PTER: variants seen among roughly 807,000 people sequenced by gnomAD.
PTER encodes the protein phosphotriesterase related.
PTER carries 38 observed loss-of-function variants against 29.6 expected under a neutral mutation model. The ratio of observed to expected loss-of-function variants is 1.28; its 90% CI spans 0.99 to 1.68. The LOEUF is 1.68. Among genes scored for constraint, PTER ranks in the 40% most tolerant of loss-of-function variants. PTER has a pLI of 0.00. For synonymous variants in PTER, 172 were observed against 154.5 expected (o/e 1.11, Z -0.84); for missense variants, 482 against 427.8 (o/e 1.13, Z -1.12).
chr10:16,505,841 G>A lies in PTER; in HGVS notation c.839+681G>A, dbSNP rs190176056. 1.9e-3 allele frequency among the ~76,000 whole-genome samples: 292 copies of A among 152,256 alleles called. 2 individuals are homozygous for A. Among genetic ancestry groups the A allele is most frequent in the African/African-American group, 6.5e-3 (270 of 41,564 alleles). On this transcript the variant is annotated intron_variant, in intron 4 of 4. Transcript: ENST00000535784. ...TTGGAGATTGACAAGGAAGGCTTTC[G>A]TTTGGGAATATCTAAGTGTTGCTAC...
intron 1 of PTER, among the ~76,000 whole-genome samples, chr10:16,471,213 C>A (rs1835041086): frequency 1.3e-5 from 2 of 152,156 alleles, no homozygotes; most frequent in African/African-American, 4.8e-5. Flanking sequence ...AAGTCTCAGG[C>A]AAGACAGGCA....
chr10:16,462,920 G>T (rs1033175932), intron 1 of PTER, among the ~76,000 whole-genome samples: 27 of 151,696 alleles, frequency 1.8e-4, no homozygotes, highest in African/African-American at 6.3e-4. Flanking sequence ...GCTGCCGGGC[G>T]TGGTGAGTCA....
intron 3 of PTER, among the ~76,000 whole-genome samples, chr10:16,498,476 G>A (rs567343976): frequency 1.2e-4 from 18 of 152,226 alleles, no homozygotes; most frequent in Middle Eastern, 3.4e-3. Context: ...CCAGCTACTC[G>A]GGAGGCTGAG....
intron 3 of PTER, among the ~76,000 whole-genome samples, chr10:16,495,694 G>A (rs1836068377): frequency 6.6e-6 from 1 of 152,158 alleles, no homozygotes; most frequent in Non-Finnish European, 1.5e-5. Flanking sequence ...ACATAGAGCT[G>A]CCCTCACAGG....
At chr10:16,473,829 C>T (rs1207718420) in intron 1 of PTER, among the ~76,000 whole-genome samples, 1 of 152,106 alleles carries the variant, frequency 6.6e-6, no homozygotes, top group Non-Finnish European at 1.5e-5. Flanking sequence ...GACTTAGTTT[C>T]CTCACTTGAA....
At chr10:16,508,564 A>G (rs1430636970) in intron 4 of PTER, among the ~76,000 whole-genome samples, 2 of 152,110 alleles carry the variant, frequency 1.3e-5, no homozygotes, top group East Asian at 3.9e-4. Context: ...GGGTCAGATG[A>G]CCGATGGCTC....
intron 3 of PTER, among the ~76,000 whole-genome samples, chr10:16,501,496 C>T (rs965715371): frequency 6.6e-6 from 1 of 152,080 alleles, no homozygotes; most frequent in African/African-American, 2.4e-5. Context: ...ATCCTGCTTA[C>T]TATATATAGT....
chr10:16,468,091 C>A (rs1202776649), intron 1 of PTER, among the ~76,000 whole-genome samples: 1 of 152,132 alleles, frequency 6.6e-6, no homozygotes. Flanking sequence ...ACTGTAATCC[C>A]AGCACTTTGG....
intron 1 of PTER, among the ~76,000 whole-genome samples, chr10:16,458,845 C>G (rs1299259690): frequency 1.3e-5 from 2 of 152,170 alleles, no homozygotes; most frequent in Non-Finnish European, 2.9e-5. Flanking sequence ...CTATCACAAC[C>G]ACTAACATTG....
intron 3 of PTER, among the ~76,000 whole-genome samples, chr10:16,488,812 G>A (rs944578169): frequency 2.6e-5 from 4 of 152,064 alleles, no homozygotes; most frequent in Non-Finnish European, 5.9e-5. Context: ...CCCTGTTGCC[G>A]AGGCTGGTCT....
At position 16,486,480 on chromosome 10, in the gene PTER, A is replaced by T; in HGVS notation, c.561A>T (p.Thr187=). The change falls in exon 3 of 5, where the codon ACA becomes ACT. Residue 187 remains threonine (T), a synonymous_variant. Transcript: ENST00000535784. Reference sequence around the variant, plus strand: ...GTGAAAGAAAGGTTCTCCAGGCCACAGCTCATGCCCAGGCTCAGCTTGGTT... The same window carrying T: ...GTGAAAGAAAGGTTCTCCAGGCCACTGCTCATGCCCAGGCTCAGCTTGGTT... ...TESERKVLQA[T]AHAQAQLGCP... The T allele has an allele frequency of 6.2e-7, 1 of 1,614,094 alleles. No homozygotes were observed. Among genetic ancestry groups the T allele is most frequent in the Non-Finnish European group, 8.5e-7 (1 of 1,179,988 alleles).
At chr10:16,499,237 T>C (rs980873379) in intron 3 of PTER, among the ~76,000 whole-genome samples, 2 of 152,084 alleles carry the variant, frequency 1.3e-5, no homozygotes, top group Non-Finnish European at 2.9e-5. Context: ...TATCAGGTGT[T>C]GATTTTCTTG....
chr10:16,501,328 T>TACACACACACACACACACAC (rs35321143), intron 3 of PTER, among the ~76,000 whole-genome samples: 2 of 117,154 alleles, frequency 1.7e-5, no homozygotes, highest in Non-Finnish European at 3.5e-5. Context: ...AATGAATAAC[T>TACACACACACACACACACAC]ACACACACAC....
rs374553901 is a variant in PTER at position 16,501,648 on chromosome 10, G to A, written c.699-3372G>A. 1.4e-4 allele frequency among the ~76,000 whole-genome samples: 21 copies of A among 152,244 alleles called. 1 individual carries two copies. The South Asian group carries it at 2.1e-3, about 15-fold the overall frequency. The stretch of plus-strand genomic sequence containing the variant: ...TGCAGTGTGAGGGTACCACGGGGAG[G>A]AAATTTCAAATTAAAAATTAAAGCA... On this transcript the variant is annotated intron_variant, in intron 3 of 4. Transcript: ENST00000535784.
downstream of PTER, among the ~76,000 whole-genome samples, chr10:16,514,903 A>G (rs1836925068): frequency 6.6e-6 from 1 of 152,180 alleles, no homozygotes; most frequent in Non-Finnish European, 1.5e-5. Context: ...GAGGACAGAA[A>G]GGGACAAAAT....
At position 16,484,740 on chromosome 10, in the gene PTER, T is replaced by G; in HGVS notation, c.356T>G (p.Val119Gly). 6.2e-7 allele frequency: 1 copy of G among 1,613,982 alleles called. No individual in the cohort carries two copies. Among genetic ancestry groups the G allele is most frequent in the Non-Finnish European group, 8.5e-7 (1 of 1,179,986 alleles). ...TLKRLAEETG[V>G]HIISGAGFYV... ...AAGAGGCTTGCAGAAGAGACTGGCG[T>G]CCATATCATATCTGGAGCCGGGTTT... The change falls in exon 2 of 5, where the codon GTC becomes GGC. Residue 119 changes from valine (V) to glycine (G), a missense_variant. By Grantham distance (109) the Val-to-Gly change is moderately radical. Transcript: ENST00000535784.
At chr10:16,498,745 G>T (rs1836214839) in intron 3 of PTER, among the ~76,000 whole-genome samples, 1 of 152,142 alleles carries the variant, frequency 6.6e-6, no homozygotes, top group African/African-American at 2.4e-5. Flanking sequence ...CTGCTGGATG[G>T]CACACAGAGT....
At chr10:16,504,231 T>C (rs2133501583) in intron 3 of PTER, among the ~76,000 whole-genome samples, 1 of 152,280 alleles carries the variant, frequency 6.6e-6, no homozygotes, top group South Asian at 2.1e-4. Flanking sequence ...GCAAATTTCT[T>C]GATATAATCT....
At chr10:16,466,543 A>G (rs143207474) in intron 1 of PTER, among the ~76,000 whole-genome samples, 2 of 152,246 alleles carry the variant, frequency 1.3e-5, no homozygotes, top group East Asian at 3.9e-4. Context: ...ATTAGTAGAG[A>G]TGGGGTCTTG....
Sources: allele counts gnomAD v4.1 joint callset (sites outside exome capture counted in the v4.1 genomes callset), GRCh38; gene constraint gnomAD v4.1.1; transcripts MANE v1.5; gene names NCBI Gene and HGNC (gene_info 2026-07-23, HGNC 2026-07-21).